The following TESK2 variants were observed in gnomAD, a reference collection of about 807,000 sequenced individuals.
The protein encoded by TESK2 is testis associated actin remodelling kinase 2.
A neutral mutation model predicts 57.1 loss-of-function variants in TESK2; 39 were observed. That is an observed-to-expected ratio of 0.68 (90% CI 0.53 to 0.89). The LOEUF (loss-of-function observed/expected upper bound fraction) is 0.89, where lower values mean the gene tolerates loss of function less well. TESK2 is among the 40% of genes least tolerant of loss of function. TESK2 has a pLI of 0.00. For missense variants in TESK2, 646 were observed against 732.1 expected (o/e 0.88, Z 1.36); for synonymous variants, 249 against 267.9 (o/e 0.93, Z 0.69).
chr1:45,408,170 G>T (rs765662618), intron 3 of TESK2, among the ~76,000 whole-genome samples: 7 of 152,138 alleles, frequency 4.6e-5, no homozygotes, highest in African/African-American at 7.2e-5. Context: ...AGCATCATGA[G>T]AAGGGGCTCA....
intron 3 of TESK2, among the ~76,000 whole-genome samples, chr1:45,403,423 C>A (rs980618348): frequency 1.3e-5 from 2 of 152,042 alleles, no homozygotes; most frequent in South Asian, 4.2e-4. Flanking sequence ...TGTGCTAGGT[C>A]TTAGATAGGA....
intron 3 of TESK2, among the ~76,000 whole-genome samples, chr1:45,418,304 AC>A (rs1355733176): frequency 6.6e-6 from 1 of 152,078 alleles, no homozygotes; most frequent in Non-Finnish European, 1.5e-5. Flanking sequence ...CATCTACCTC[AC>A]TCTCAAACAT....
chr1:45,344,502 A>C lies in TESK2; in HGVS notation c.*338T>G. ...GGCAAGAGACAGACCTGGGGTGGGGAAAGAACCGGGGTAATAGCTGCCTGC... is the reference window on the plus strand; with the variant it reads ...GGCAAGAGACAGACCTGGGGTGGGGCAAGAACCGGGGTAATAGCTGCCTGC... On this transcript the variant is annotated 3_prime_UTR_variant, in exon 11 of 11. Coordinates refer to ENST00000372086, the MANE Select transcript of TESK2 (RefSeq NM_007170.3). 3.8e-6 allele frequency: 1 copy of C among 260,112 alleles called. No homozygotes were observed. The highest frequency in any genetic ancestry group is 7.4e-6 in the Non-Finnish European group (1 of 135,114). The allele number at this position is 260,112 out of a possible 1,614,324, so 16.1% of individuals were successfully genotyped here.
chr1:45,469,561 T>C (rs1313993120), intron 1 of TESK2, among the ~76,000 whole-genome samples: 1 of 152,214 alleles, frequency 6.6e-6, no homozygotes, highest in Non-Finnish European at 1.5e-5. Flanking sequence ...CCTTCAGAAA[T>C]ACATCAAATT....
chr1:45,437,865 G>A (rs550729672), intron 2 of TESK2, among the ~76,000 whole-genome samples: 8 of 152,328 alleles, frequency 5.3e-5, no homozygotes, highest in Non-Finnish European at 1.0e-4. Context: ...AGACAGACAA[G>A]CAAAGCTTCT....
chr1:45,481,835 GT>G (rs1653237972), intron 1 of TESK2, among the ~76,000 whole-genome samples: 1 of 152,102 alleles, frequency 6.6e-6, no homozygotes, highest in Non-Finnish European at 1.5e-5. Context: ...AAGTTAAAAT[GT>G]ATAAAAACTT....
At chr1:45,453,388 C>G (rs1165014202) in intron 2 of TESK2, among the ~76,000 whole-genome samples, 1 of 149,730 alleles carries the variant, frequency 6.7e-6, no homozygotes, top group Non-Finnish European at 1.5e-5. Context: ...TAAACCCTCT[C>G]TAACATGGTT....
At chr1:45,352,505 A>T (rs962170005) in intron 5 of TESK2, among the ~76,000 whole-genome samples, 1 of 152,200 alleles carries the variant, frequency 6.6e-6, no homozygotes, top group Admixed American at 6.5e-5. Flanking sequence ...ACAGAAGGGA[A>T]TATGATGAAC....
chr1:45,437,272 T>A (rs1363470346), intron 2 of TESK2, among the ~76,000 whole-genome samples: 4 of 152,214 alleles, frequency 2.6e-5, no homozygotes, highest in Non-Finnish European at 5.9e-5. Context: ...GGTCTTTCAC[T>A]TTCTTGGTTA....
At chr1:45,355,793 G>A (rs1647393690) in intron 4 of TESK2, among the ~76,000 whole-genome samples, 1 of 152,208 alleles carries the variant, frequency 6.6e-6, no homozygotes, top group South Asian at 2.1e-4. Context: ...CAGAAAGGAT[G>A]ACCTGGAGTA....
Position 45,345,429 on chromosome 1 carries a change from G to T in TESK2, c.1127C>A (p.Pro376His). ...RSQSDIFSRK[P>H]PRTVSVLDPY... ...GTCCAAGACACTCACTGTACGTGGG[G>T]GCTTACGGGAAAAGATATCTGACTG... Residue 376 changes from proline to histidine, a missense_variant, in exon 11 of 11, where the codon CCC becomes CAC. By Grantham distance (77) the Pro-to-His change is moderately conservative. Coordinates refer to ENST00000372086, the MANE Select transcript of TESK2 (RefSeq NM_007170.3). 1 of 1,614,128 alleles carries T rather than the reference G, an allele frequency of 6.2e-7. No individual in the cohort carries two copies. Among genetic ancestry groups the T allele is most frequent in the African/African-American group, 1.3e-5 (1 of 75,014 alleles).
At chr1:45,381,720 G>GGCA (rs887673154) in intron 4 of TESK2, among the ~76,000 whole-genome samples, 5 of 151,664 alleles carry the variant, frequency 3.3e-5, no homozygotes, top group Admixed American at 3.3e-4. Flanking sequence ...GTGGCTGGAG[G>GGCA]GCAACAGCTA....
intron 1 of TESK2, among the ~76,000 whole-genome samples, chr1:45,466,685 A>G (rs1176756405): frequency 6.7e-6 from 1 of 149,066 alleles, no homozygotes; most frequent in Non-Finnish European, 1.5e-5. Flanking sequence ...TATATATTAT[A>G]TATTACAGAA....
chr1:45,447,977 GGA>G (rs1312523122), intron 2 of TESK2, among the ~76,000 whole-genome samples: 3 of 149,636 alleles, frequency 2.0e-5, no homozygotes, highest in African/African-American at 4.9e-5. Context: ...TAAATAAAAT[GGA>G]GAGATATTTC....
intron 1 of TESK2, among the ~76,000 whole-genome samples, chr1:45,489,140 A>AT (rs1261664166): frequency 6.6e-6 from 1 of 151,420 alleles, no homozygotes; most frequent in East Asian, 1.9e-4. Flanking sequence ...CCAAAGAAAA[A>AT]AAAAAAAAAG....
intron 1 of TESK2, among the ~76,000 whole-genome samples, chr1:45,479,770 G>A (rs1243216786): frequency 2.7e-5 from 4 of 149,650 alleles, no homozygotes; most frequent in Non-Finnish European, 4.4e-5. Flanking sequence ...TGTTCCCATC[G>A]GATAGATTAA....
chr1:45,397,777 C>T (rs1362010490), intron 3 of TESK2, among the ~76,000 whole-genome samples: 1 of 152,126 alleles, frequency 6.6e-6, no homozygotes. Context: ...GTCTGGAATC[C>T]ATTTTTCAAA....
intron 10 of TESK2, 53 bp from the exon 11 acceptor site, chr1:45,345,611 A>C (rs1647130409): frequency 2.7e-6 from 4 of 1,483,910 alleles, no homozygotes; most frequent in Non-Finnish European, 3.7e-6. Flanking sequence ...AAATACAAGC[A>C]GCATTTTACC....
intron 4 of TESK2, among the ~76,000 whole-genome samples, chr1:45,367,656 ATTTTTTT>A (rs549920468): frequency 1.6e-5 from 2 of 125,268 alleles, no homozygotes; most frequent in African/African-American, 6.1e-5. Flanking sequence ...GTCACAAAGC[ATTTTTTT>A]TTTTTTTTTT....
Sources: allele counts gnomAD v4.1 joint callset (sites outside exome capture counted in the v4.1 genomes callset), GRCh38; gene constraint gnomAD v4.1.1; transcripts MANE v1.5; gene names NCBI Gene and HGNC (gene_info 2026-07-23, HGNC 2026-07-21).